TBX5: variants seen among roughly 807,000 people sequenced by gnomAD.
TBX5 encodes T-box transcription factor TBX5.
In TBX5, 8 loss-of-function variants were observed where a neutral mutation model predicts 51.1. That is an observed-to-expected ratio of 0.16 (90% confidence interval 0.09 to 0.28). The LOEUF is 0.28. TBX5 is among the 10% of genes least tolerant of loss of function. The pLI, the probability that TBX5 is intolerant of heterozygous loss-of-function variation, is 1.00. For synonymous variants in TBX5, 302 were observed against 266.4 expected (o/e 1.13, Z -1.30); for missense variants, 589 against 671.7 (o/e 0.88, Z 1.36).
At chr12:114,400,500 G>T (rs906273499) in intron 3 of TBX5, among the ~76,000 whole-genome samples, 1 of 152,260 alleles carries the variant, frequency 6.6e-6, no homozygotes, top group Admixed American at 6.5e-5. Flanking sequence ...AGATTCTCAA[G>T]GCTGGCCCGG....
At chr12:114,375,540 C>T (rs1870142261) in intron 7 of TBX5, among the ~76,000 whole-genome samples, 1 of 152,134 alleles carries the variant, frequency 6.6e-6, no homozygotes, top group African/African-American at 2.4e-5. Context: ...TAAAAATGTA[C>T]AACTTCATTA....
intron 6 of TBX5, among the ~76,000 whole-genome samples, chr12:114,387,743 G>A (rs1213615833): frequency 6.6e-6 from 1 of 152,232 alleles, no homozygotes; most frequent in Non-Finnish European, 1.5e-5. Flanking sequence ...CATGGTGGGG[G>A]TGGCTGTGCA....
intron 7 of TBX5, among the ~76,000 whole-genome samples, chr12:114,375,633 G>A (rs540954763): frequency 3.3e-5 from 5 of 152,142 alleles, no homozygotes; most frequent in Admixed American, 6.5e-5. Context: ...AAAGACAAAA[G>A]ATAACAAATG....
chr12:114,401,675 CT>C, intron 3 of TBX5, 150 bp downstream of exon 3: 1 of 686,050 alleles, frequency 1.5e-6, no homozygotes. Flanking sequence ...ATCTTTCGCT[CT>C]CTCTCTCCTC....
At chr12:114,365,008 G>A (rs1340733099) in intron 8 of TBX5, among the ~76,000 whole-genome samples, 1 of 151,846 alleles carries the variant, frequency 6.6e-6, no homozygotes, top group Non-Finnish European at 1.5e-5. Context: ...TGGCTCACAA[G>A]AAGGGCCACC....
At chr12:114,398,524 G>A (rs1871561198) in intron 5 of TBX5, 49 bp downstream of exon 5, 2 of 1,595,878 alleles carry the variant, frequency 1.3e-6, no homozygotes, top group Non-Finnish European at 1.7e-6. Context: ...GAAGAAGGGA[G>A]AGAGGACAAG....
intron 7 of TBX5, among the ~76,000 whole-genome samples, chr12:114,380,863 C>A (rs1257913178): frequency 6.8e-6 from 1 of 147,078 alleles, no homozygotes; most frequent in African/African-American, 2.5e-5. Context: ...AAAAAAAACT[C>A]CTTTGTCACC....
At chr12:114,388,675 CGTGTGTGTGTGTGTGTGTGTGTGTGT>C (rs59385091) in intron 6 of TBX5, among the ~76,000 whole-genome samples, 1 of 124,382 alleles carries the variant, frequency 8.0e-6, no homozygotes, top group African/African-American at 3.0e-5. Context: ...TTAAAGTATC[CGTGTGTGTGTGTGTGTGTGTGTGTGT>C]GTGTGTGTGT....
chr12:114,387,986 A>G (rs942102696), intron 6 of TBX5, among the ~76,000 whole-genome samples: 4 of 151,820 alleles, frequency 2.6e-5, no homozygotes, highest in Non-Finnish European at 5.9e-5. Context: ...ACAGGCATGC[A>G]CCACCATGCT....
chr12:114,388,235 G>A (rs924873632), intron 6 of TBX5, among the ~76,000 whole-genome samples: 1 of 152,044 alleles, frequency 6.6e-6, no homozygotes, highest in East Asian at 1.9e-4. Context: ...TCGGCTCACT[G>A]CAACCTCCAC....
chr12:114,360,639 G>T (rs1869184536), intron 8 of TBX5, among the ~76,000 whole-genome samples: 1 of 149,948 alleles, frequency 6.7e-6, no homozygotes, highest in Non-Finnish European at 1.5e-5. Flanking sequence ...TGAGTGGGTA[G>T]ATGGATGAGT....
At position 114,366,153 on chromosome 12, in the gene TBX5, G is replaced by A. The variant is rs575701831; in HGVS notation, c.982+12C>T. 7 of 1,613,688 alleles carry A rather than the reference G, an allele frequency of 4.3e-6. No individual in the cohort carries two copies. In the South Asian group the frequency reaches 5.5e-5, roughly 13 times the overall value. Reference sequence around the variant, plus strand: ...GAAAGAAAGCAAATTGACCAGGGGTGATCACACTCACCTTTCCTCTTGGTA... The same window carrying A: ...GAAAGAAAGCAAATTGACCAGGGGTAATCACACTCACCTTTCCTCTTGGTA... On this transcript the variant is annotated intron_variant, in intron 8 of 8. Transcript: ENST00000405440.
intron 8 of TBX5, among the ~76,000 whole-genome samples, chr12:114,360,529 T>C (rs1358794532): frequency 6.9e-6 from 1 of 143,934 alleles, no homozygotes; most frequent in African/African-American, 2.6e-5. Context: ...GATGGATGAG[T>C]GAGTGGTTGG....
In TBX5 at chr12:114,398,591, G is replaced by A. The variant is rs972633602; in HGVS notation, c.492C>T (p.His164=). The change falls in exon 5 of 9, where the codon CAC becomes CAT. Residue 164 remains histidine (H), a synonymous_variant. Coordinates refer to ENST00000405440, the MANE Select transcript of TBX5 (RefSeq NM_181486.4). The part of the protein sequence containing the change: ...SFQKLKLTNN[H]LDPFGHIILN... ...TACTCACATGCCCAAATGGGTCCAG[G>A]TGGTTGTTGGTGAGCTTGAGTTTCT... The A allele has an allele frequency of 1.9e-6, 3 of 1,613,602 alleles. No homozygotes were observed. Among genetic ancestry groups the A allele is most frequent in the Non-Finnish European group, 2.5e-6 (3 of 1,179,840 alleles).
At chr12:114,403,275 A>AGGAGGC (rs1565943013) in intron 2 of TBX5, among the ~76,000 whole-genome samples, 1 of 147,742 alleles carries the variant, frequency 6.8e-6, no homozygotes, top group Non-Finnish European at 1.5e-5. Flanking sequence ...CGGAGGAGGC[A>AGGAGGC]GGAGGAGGCA....
chr12:114,354,678 A>G lies in TBX5; in HGVS notation c.*854T>C, dbSNP rs2136357901. The G allele has an allele frequency of 6.5e-6, 1 of 152,818 alleles. No homozygotes were observed. Among genetic ancestry groups the G allele is most frequent in the South Asian group, 2.1e-4 (1 of 4,822 alleles). 9.5% of individuals were successfully genotyped at this position (152,818 alleles called of 1,614,324 possible). A position where few individuals can be genotyped will look rare whatever the true frequency, so the allele number is the denominator to read the frequency against. On this transcript the variant is annotated 3_prime_UTR_variant, in exon 9 of 9. Coordinates refer to ENST00000405440, the MANE Select transcript of TBX5 (RefSeq NM_181486.4). ...GCACTGTTATCACAGTCCTGCCTAC[A>G]TGTAAACGGGGGCTTTTTAAGTTTT... is the stretch of plus-strand genomic sequence containing the variant.
At chr12:114,385,053 C>A (rs565554638) in intron 7 of TBX5, among the ~76,000 whole-genome samples, 5 of 151,910 alleles carry the variant, frequency 3.3e-5, no homozygotes, top group Non-Finnish European at 1.5e-5. Context: ...TGTATTTCAC[C>A]CTCAGGAAAT....
intron 2 of TBX5, among the ~76,000 whole-genome samples, chr12:114,403,506 T>C (rs1291280268): frequency 6.6e-6 from 1 of 152,162 alleles, no homozygotes; most frequent in East Asian, 1.9e-4. Context: ...ATTTCAAAAA[T>C]CCTTTGGCCG....
At chr12:114,389,556 C>T (rs1018652645) in intron 6 of TBX5, among the ~76,000 whole-genome samples, 2 of 149,878 alleles carry the variant, frequency 1.3e-5, no homozygotes, top group Non-Finnish European at 3.0e-5. Context: ...AGATCGAGAC[C>T]ATCCCGGCTA....
Sources: allele counts gnomAD v4.1 joint callset (sites outside exome capture counted in the v4.1 genomes callset), GRCh38; gene constraint gnomAD v4.1.1; transcripts MANE v1.5; gene names NCBI Gene and HGNC (gene_info 2026-07-23, HGNC 2026-07-21).